Variants in CCSER1 observed in about 807,000 individuals in gnomAD.
CCSER1 encodes serine-rich coiled-coil domain-containing protein 1.
Under a neutral mutation model 82.0 loss-of-function variants are expected in CCSER1, and 41 were observed. That is an observed-to-expected ratio of 0.50 (90% CI 0.39 to 0.65). The LOEUF (loss-of-function observed/expected upper bound fraction) is 0.65, where lower values mean the gene tolerates loss of function less well. Ranked by LOEUF, CCSER1 falls within the 30% of genes least tolerant of loss-of-function variation. The pLI is 0.00. For missense variants in CCSER1, 1,119 were observed against 1,064.2 expected, an observed-to-expected ratio of 1.05 and a Z score of -0.72; for synonymous variants, 414 against 383.9, an observed-to-expected ratio of 1.08 and a Z score of -0.92.
intron 3 of CCSER1, among the ~76,000 whole-genome samples, chr4:90,367,490 C>G (rs1349686200): frequency 6.6e-6 from 1 of 151,532 alleles, no homozygotes; most frequent in Admixed American, 6.6e-5. Context: ...TGTGTTTTAG[C>G]TAGCCATATT....
chr4:90,994,502 A>T (rs988307925), intron 9 of CCSER1, among the ~76,000 whole-genome samples: 2 of 152,152 alleles, frequency 1.3e-5, no homozygotes, highest in Non-Finnish European at 2.9e-5. Flanking sequence ...AGTAAAAAAA[A>T]AAATCATAAG....
At chr4:91,183,252 G>A (rs776306152) in intron 10 of CCSER1, among the ~76,000 whole-genome samples, 1 of 152,172 alleles carries the variant, frequency 6.6e-6, no homozygotes, top group Admixed American at 6.5e-5. Flanking sequence ...ACATTAATAG[G>A]CATAGCAAAA....
At chr4:90,405,014 A>C (rs529297715) in intron 4 of CCSER1, among the ~76,000 whole-genome samples, 1 of 152,312 alleles carries the variant, frequency 6.6e-6, no homozygotes, top group Admixed American at 6.5e-5. Flanking sequence ...ACCAAAAGGA[A>C]ATCTCTGAAT....
intron 10 of CCSER1, among the ~76,000 whole-genome samples, chr4:91,463,146 C>A (rs1277835970): frequency 6.6e-6 from 1 of 152,126 alleles, no homozygotes; most frequent in Non-Finnish European, 1.5e-5. Context: ...GCCAAGTAAC[C>A]CTCTGAGACA....
chr4:90,589,004 T>A (rs1282331033), intron 5 of CCSER1, among the ~76,000 whole-genome samples: 1 of 152,188 alleles, frequency 6.6e-6, no homozygotes, highest in African/African-American at 2.4e-5. Context: ...TCCAGTGTAG[T>A]TGAACTATTA....
At chr4:91,032,825 C>A (rs914673534) in intron 9 of CCSER1, among the ~76,000 whole-genome samples, 3 of 152,152 alleles carry the variant, frequency 2.0e-5, no homozygotes, top group Non-Finnish European at 4.4e-5. Context: ...TTCAGTAAGT[C>A]TTGAATGGGG....
chr4:91,504,800 T>C (rs1173938777), intron 10 of CCSER1, among the ~76,000 whole-genome samples: 1 of 152,162 alleles, frequency 6.6e-6, no homozygotes, highest in Non-Finnish European at 1.5e-5. Flanking sequence ...ATGCTAACAG[T>C]CAAAATAATT....
intron 10 of CCSER1, among the ~76,000 whole-genome samples, chr4:91,421,782 T>G (rs918965503): frequency 5.3e-5 from 8 of 151,418 alleles, no homozygotes; most frequent in Non-Finnish European, 7.4e-5. Context: ...CAATTAAATA[T>G]TTTAAAATTA....
rs1764828485 is a variant in CCSER1, at chr4:91,601,788, T to C, written c.*2731T>C. The C allele has an allele frequency of 6.6e-6, 1 of 152,008 alleles. No homozygotes were observed. The highest frequency in any genetic ancestry group is 1.5e-5 in the Non-Finnish European group (1 of 67,944). 9.4% of individuals were successfully genotyped at this position (152,008 alleles called of 1,614,324 possible). A position where few individuals can be genotyped will look rare whatever the true frequency, so the allele number is the denominator to read the frequency against. On this transcript the variant is annotated 3_prime_UTR_variant, in exon 11 of 11. Transcript: ENST00000509176. ...AACCCTGTAAAATTTCTGCTGCAAATTGTCTCTTCTGAATTTAGAATGTGT... is the reference window on the plus strand; with the variant it reads ...AACCCTGTAAAATTTCTGCTGCAAACTGTCTCTTCTGAATTTAGAATGTGT...
At chr4:91,152,381 A>C (rs557903714) in intron 10 of CCSER1, among the ~76,000 whole-genome samples, 63 of 152,262 alleles carry the variant, frequency 4.1e-4, no homozygotes, top group African/African-American at 1.4e-3. Flanking sequence ...TGCACATGAG[A>C]TAGGTCTCCT....
At chr4:90,460,331 A>AAAAAAAAAAAAAAAAAC (rs1432692270) in intron 4 of CCSER1, among the ~76,000 whole-genome samples, 1 of 146,642 alleles carries the variant, frequency 6.8e-6, no homozygotes, top group African/African-American at 2.6e-5. Context: ...TCTCAAAAAA[A>AAAAAAAAAAAAAAAAAC]AAAAAAAAAA....
At chr4:90,336,006 G>A (rs1333370353) in intron 3 of CCSER1, among the ~76,000 whole-genome samples, 2 of 152,134 alleles carry the variant, frequency 1.3e-5, no homozygotes, top group Non-Finnish European at 2.9e-5. Flanking sequence ...TCTATGCCAT[G>A]GATACACTGT....
chr4:91,241,797 A>G (rs1215255837), intron 10 of CCSER1, among the ~76,000 whole-genome samples: 1 of 152,196 alleles, frequency 6.6e-6, no homozygotes, highest in Non-Finnish European at 1.5e-5. Context: ...TAACTAAAGT[A>G]TTATACCAAA....
intron 1 of CCSER1, among the ~76,000 whole-genome samples, chr4:90,144,979 A>T (rs985050910): frequency 2.6e-5 from 4 of 152,096 alleles, no homozygotes; most frequent in African/African-American, 9.7e-5. Flanking sequence ...TTTTACGACC[A>T]TTATTTTCGT....
intron 1 of CCSER1, among the ~76,000 whole-genome samples, chr4:90,178,921 TAAAC>T (rs1181183134): frequency 1.3e-5 from 2 of 152,178 alleles, no homozygotes; most frequent in South Asian, 2.1e-4. Context: ...AGTGGCTAAA[TAAAC>T]ATTGAATGTC....
At chr4:91,129,417 C>G (rs1727808789) in intron 10 of CCSER1, among the ~76,000 whole-genome samples, 1 of 151,712 alleles carries the variant, frequency 6.6e-6, no homozygotes, top group Non-Finnish European at 1.5e-5. Flanking sequence ...AGCTAGATAG[C>G]TAATTCTGAC....
chr4:91,146,589 T>TTTG (rs1729565268), intron 10 of CCSER1, among the ~76,000 whole-genome samples: 1 of 152,004 alleles, frequency 6.6e-6, no homozygotes, highest in Non-Finnish European at 1.5e-5. Context: ...TCTTTTTTTT[T>TTTG]TGAAATTGCT....
chr4:90,795,818 A>T (rs1755922421), intron 7 of CCSER1, among the ~76,000 whole-genome samples: 1 of 151,510 alleles, frequency 6.6e-6, no homozygotes, highest in African/African-American at 2.4e-5. Flanking sequence ...TGTATGTTGA[A>T]CCAACCTTAC....
chr4:91,146,560 GTTTC>G (rs1729558538), intron 10 of CCSER1, among the ~76,000 whole-genome samples: 1 of 128,104 alleles, frequency 7.8e-6, no homozygotes, highest in Non-Finnish European at 1.7e-5. Flanking sequence ...GTGTTTCTTT[GTTTC>G]TTTCTTTATC....
Sources: gnomAD v4.1 joint callset for allele counts (sites outside exome capture counted in the v4.1 genomes callset) on GRCh38, gnomAD v4.1.1 for gene constraint, MANE v1.5 for transcripts, NCBI Gene and HGNC (gene_info 2026-07-23, HGNC 2026-07-21) for gene names.